PTP4A2: variants seen among roughly 807,000 people sequenced by gnomAD.
PTP4A2 encodes the protein protein tyrosine phosphatase 4A2, also known as protein tyrosine phosphatase type IVA 2.
In PTP4A2, 2 loss-of-function variants were observed where a neutral mutation model predicts 22.9. The observed-to-expected ratio is 0.09, with a 90% CI of 0.04 to 0.27. The LOEUF is 0.27. Ranked by LOEUF, PTP4A2 falls within the 10% of genes least tolerant of loss-of-function variation. PTP4A2 has a pLI of 1.00. For synonymous variants in PTP4A2, 68 were observed against 69.1 expected (o/e 0.98, Z 0.08); for missense variants, 103 against 205.1 (o/e 0.50, Z 3.04).
At chr1:31,930,216 T>TA (rs1442151949) in intron 1 of PTP4A2, among the ~76,000 whole-genome samples, 1 of 150,688 alleles carries the variant, frequency 6.6e-6, no homozygotes, top group Non-Finnish European at 1.5e-5. Flanking sequence ...CGGGCGCCTG[T>TA]AGTTCCAGCT....
rs1651207043 is a variant in PTP4A2 at position 31,907,004 on chromosome 1, A to C, written c.*1848T>G. 6.6e-6 allele frequency: 1 copy of C among 152,204 alleles called. No homozygotes were observed. The highest frequency in any genetic ancestry group is 1.5e-5 in the Non-Finnish European group (1 of 68,044). 9.4% of individuals were successfully genotyped at this position (152,204 alleles called of 1,614,324 possible). ...TAAAGTCCTAGAAACAATTTCGAAA[A>C]GCATTATTTTGTTTTGTTTTCTGGG... On this transcript the variant is annotated 3_prime_UTR_variant, in exon 6 of 6. Coordinates refer to ENST00000647444, the MANE Select transcript of PTP4A2 (RefSeq NM_080391.4).
intron 1 of PTP4A2, among the ~76,000 whole-genome samples, chr1:31,922,327 T>C (rs918365580): frequency 1.3e-5 from 2 of 152,136 alleles, no homozygotes; most frequent in African/African-American, 4.8e-5. Context: ...CTACTAAAAA[T>C]ACAAAATTAG....
Position 31,911,834 on chromosome 1 carries a change from G to T in PTP4A2, c.190-8C>A, listed in dbSNP as rs1307323272. 1 of 1,555,736 alleles carries T rather than the reference G, an allele frequency of 6.4e-7. No individual in the cohort carries two copies. The highest frequency in any genetic ancestry group is 1.4e-5 in the African/African-American group (1 of 72,324). ...ATCATCAAATGGCCAATCCTGAAAA[G>T]AAATGACCTTTTACATTAAATTGAT... On this transcript the variant is annotated splice_polypyrimidine_tract_variant and splice_region_variant and intron_variant, in intron 3 of 5. Transcript: ENST00000647444.
At chr1:31,929,262 G>T (rs141206125) in intron 1 of PTP4A2, among the ~76,000 whole-genome samples, 1 of 152,052 alleles carries the variant, frequency 6.6e-6, no homozygotes, top group Non-Finnish European at 1.5e-5. Flanking sequence ...TATGGCCAAC[G>T]CCGACTTTCT....
chr1:31,919,006 G>C lies in PTP4A2; in HGVS notation c.60C>G (p.His20Gln). The change falls in exon 2 of 6, where the codon CAC becomes CAG. Residue 20 changes from histidine to glutamine, a missense_variant. Coordinates refer to ENST00000647444, the MANE Select transcript of PTP4A2 (RefSeq NM_080391.4). The stretch of plus-strand genomic sequence containing the variant: ...TGTTGAGAGTAGCATTGGTAGGGTT[G>C]TGAGTTATCAGAAAACGCATGTTCT... The part of the protein sequence containing the change: ...SYENMRFLIT[H>Q]NPTNATLNKF... The C allele has an allele frequency of 6.2e-7, 1 of 1,607,524 alleles. No homozygotes were observed. The highest frequency in any genetic ancestry group is 8.5e-7 in the Non-Finnish European group (1 of 1,174,204).
rs1651303113 is a variant in PTP4A2, at chr1:31,908,140, T to TTTTA, written c.*711_*712insTAAA. On this transcript the variant is annotated 3_prime_UTR_variant, in exon 6 of 6. Coordinates refer to ENST00000647444, the MANE Select transcript of PTP4A2 (RefSeq NM_080391.4). ...TATATATATATATATATATATTATATTATATATATATATATATATATATAT... is the reference window on the plus strand; with the variant it reads ...TATATATATATATATATATATTATATTTTATATATATATATATATATATATATAT... The TTTTA allele has an allele frequency of 2.4e-3, 1 of 424 alleles. No individual in the cohort carries two copies. Among genetic ancestry groups the TTTTA allele is most frequent in the African/African-American group, 0.011 (1 of 88 alleles). The allele number at this position is 424 out of a possible 1,614,324, so 0.0% of individuals were successfully genotyped here.
intron 1 of PTP4A2, among the ~76,000 whole-genome samples, chr1:31,929,177 TC>T (rs1226961328): frequency 6.6e-6 from 1 of 152,248 alleles, no homozygotes; most frequent in African/African-American, 2.4e-5. Flanking sequence ...GATTTCCAAT[TC>T]TCAAAATGAA....
intron 1 of PTP4A2, among the ~76,000 whole-genome samples, chr1:31,924,985 A>C (rs978496260): frequency 1.3e-5 from 2 of 152,250 alleles, no homozygotes; most frequent in Non-Finnish European, 2.9e-5. Context: ...GACACTAATA[A>C]GTAAAAAAAG....
At chr1:31,910,982 ACTAGGATAG>A (rs1278172561) in intron 4 of PTP4A2, 1 of 152,236 alleles carries the variant, frequency 6.6e-6, no homozygotes, top group Non-Finnish European at 1.5e-5. Context: ...GCTACCTAAA[ACTAGGATAG>A]CTACTAGTTA....
intron 1 of PTP4A2, among the ~76,000 whole-genome samples, chr1:31,926,372 A>C (rs1652466066): frequency 6.6e-6 from 1 of 152,054 alleles, no homozygotes; most frequent in South Asian, 2.1e-4. Context: ...GGTCTAAAAA[A>C]AACGAGTATG....
At chr1:31,925,157 AC>A (rs1652387826) in intron 1 of PTP4A2, among the ~76,000 whole-genome samples, 1 of 152,214 alleles carries the variant, frequency 6.6e-6, no homozygotes, top group African/African-American at 2.4e-5. Context: ...CTGGAGGTCA[AC>A]AGCACGATTT....
chr1:31,936,411 C>CAA (rs546013145), intron 1 of PTP4A2, among the ~76,000 whole-genome samples: 1 of 144,942 alleles, frequency 6.9e-6, no homozygotes, highest in African/African-American at 2.5e-5. Flanking sequence ...CAAAAACAAA[C>CAA]AAAAAAAAAA....
intron 1 of PTP4A2, among the ~76,000 whole-genome samples, chr1:31,926,614 C>T (rs1382348730): frequency 1.3e-5 from 2 of 152,140 alleles, no homozygotes; most frequent in Non-Finnish European, 2.9e-5. Context: ...AATTTATCCT[C>T]CTGAAGAGCT....
chr1:31,917,975 GC>G (rs1651939878), intron 2 of PTP4A2, among the ~76,000 whole-genome samples: 1 of 146,002 alleles, frequency 6.8e-6, no homozygotes, highest in South Asian at 2.2e-4. Flanking sequence ...AAAGGGCTGG[GC>G]ACGGTGGCTC....
At chr1:31,910,860 G>A (rs1651497506) in intron 4 of PTP4A2, 1 of 152,144 alleles carries the variant, frequency 6.6e-6, no homozygotes. Context: ...TCCTTTTGAT[G>A]AGCTAGGAAA....
chr1:31,911,599 G>T, intron 4 of PTP4A2, 97 bp downstream of exon 4: 1 of 1,153,942 alleles, frequency 8.7e-7, no homozygotes, highest in Non-Finnish European at 1.2e-6. Flanking sequence ...ATGTTATTTA[G>T]TATAATATAT....
intron 1 of PTP4A2, among the ~76,000 whole-genome samples, chr1:31,935,031 T>C (rs933515570): frequency 6.6e-6 from 1 of 152,234 alleles, no homozygotes; most frequent in Non-Finnish European, 1.5e-5. Context: ...TTTGAATCTG[T>C]AGTTCAATTT....
intron 1 of PTP4A2, among the ~76,000 whole-genome samples, chr1:31,925,684 C>A (rs779404296): frequency 1.3e-5 from 2 of 151,520 alleles, no homozygotes; most frequent in African/African-American, 4.9e-5. Flanking sequence ...GGCGTGAACC[C>A]GGGAGGCAGA....
chr1:31,910,753 A>G (rs1651493056), intron 4 of PTP4A2: 2 of 152,196 alleles, frequency 1.3e-5, no homozygotes, highest in Admixed American at 6.5e-5. Flanking sequence ...ATGACCAAAC[A>G]TATTACTTAT....
Sources: gnomAD v4.1 joint callset for allele counts (sites outside exome capture counted in the v4.1 genomes callset) on GRCh38, gnomAD v4.1.1 for gene constraint, MANE v1.5 for transcripts, NCBI Gene and HGNC (gene_info 2026-07-23, HGNC 2026-07-21) for gene names.